The following AP3B1 variants were observed in gnomAD, a reference collection of about 807,000 sequenced individuals.
AP3B1 encodes adaptor related protein complex 3 subunit beta 1, also known as AP-3 complex subunit beta-1.
AP3B1 carries 61 observed loss-of-function variants against 132.5 expected under a neutral mutation model. The ratio of observed to expected loss-of-function variants is 0.46; its 90% CI spans 0.37 to 0.57. AP3B1 has a LOEUF of 0.57. Ranked by LOEUF, AP3B1 falls within the 20% of genes least tolerant of loss-of-function variation. The probability of loss-of-function intolerance (pLI) is 0.00; values close to 1 mark genes in which losing one functional copy is unlikely to be tolerated. For missense variants in AP3B1, 1,120 were observed against 1,289.4 expected (o/e 0.87, Z 2.01); for synonymous variants, 388 against 438.3 (o/e 0.89, Z 1.43).
At chr5:78,097,064 G>C (rs1380932765) in intron 21 of AP3B1, among the ~76,000 whole-genome samples, 4 of 124,242 alleles carry the variant, frequency 3.2e-5, no homozygotes, top group Non-Finnish European at 7.1e-5. Context: ...GGGAGGTTGG[G>C]GGGTCAGCCC....
chr5:78,081,174 G>C (rs560678778), intron 22 of AP3B1, among the ~76,000 whole-genome samples: 5 of 152,104 alleles, frequency 3.3e-5, no homozygotes, highest in African/African-American at 1.2e-4. Flanking sequence ...TTAACCCACT[G>C]ATATTTGGCT....
At chr5:78,114,406 T>A (rs1472455274) in intron 18 of AP3B1, among the ~76,000 whole-genome samples, 1 of 152,106 alleles carries the variant, frequency 6.6e-6, no homozygotes, top group Non-Finnish European at 1.5e-5. Flanking sequence ...TGGAAAGACC[T>A]CCAAATTCAA....
chr5:78,210,204 A>G (rs1439432452), intron 7 of AP3B1, among the ~76,000 whole-genome samples: 3 of 152,142 alleles, frequency 2.0e-5, no homozygotes, highest in African/African-American at 7.2e-5. Context: ...CACATGACAA[A>G]ATTTGTTTTA....
chr5:78,044,023 G>A, intron 22 of AP3B1: 1 of 291,172 alleles, frequency 3.4e-6, no homozygotes. Flanking sequence ...ACCCCTGAAG[G>A]AAAATCTCCT....
At chr5:78,209,604 T>C (rs1442030366) in intron 7 of AP3B1, among the ~76,000 whole-genome samples, 1 of 152,154 alleles carries the variant, frequency 6.6e-6, no homozygotes, top group African/African-American at 2.4e-5. Context: ...AAGCAAGCTA[T>C]AGCAACCATG....
chr5:78,215,719 G>A (rs866449317), intron 7 of AP3B1, among the ~76,000 whole-genome samples: 5 of 152,096 alleles, frequency 3.3e-5, no homozygotes, highest in African/African-American at 1.2e-4. Flanking sequence ...GCTCAAAGAC[G>A]TGAAAGTAAC....
intron 17 of AP3B1, 105 bp downstream of exon 17, chr5:78,127,925 C>T: frequency 2.2e-6 from 3 of 1,343,986 alleles, no homozygotes; most frequent in Non-Finnish European, 3.2e-6. Context: ...AATACTAGAA[C>T]AATTTTCAAT....
At chr5:78,284,256 C>T (rs909572501) in intron 1 of AP3B1, among the ~76,000 whole-genome samples, 1 of 152,110 alleles carries the variant, frequency 6.6e-6, no homozygotes, top group Non-Finnish European at 1.5e-5. Flanking sequence ...AGCTCTAAAC[C>T]TAGGTATATG....
At chr5:78,193,307 G>A (rs1328133067) in intron 7 of AP3B1, among the ~76,000 whole-genome samples, 1 of 152,110 alleles carries the variant, frequency 6.6e-6, no homozygotes, top group Non-Finnish European at 1.5e-5. Context: ...ACTCTGAATG[G>A]TTTTAAAAGT....
intron 2 of AP3B1, among the ~76,000 whole-genome samples, chr5:78,265,703 T>C (rs891589328): frequency 1.3e-5 from 2 of 152,226 alleles, no homozygotes; most frequent in African/African-American, 2.4e-5. Flanking sequence ...GACAGCTTCA[T>C]GCTCTTCAAC....
At chr5:78,200,549 C>T (rs1745248793) in intron 7 of AP3B1, among the ~76,000 whole-genome samples, 1 of 152,040 alleles carries the variant, frequency 6.6e-6, no homozygotes, top group South Asian at 2.1e-4. Context: ...GTCCTAGCTA[C>T]TTGGGAGACT....
At chr5:78,118,534 C>G (rs1751974605) in intron 17 of AP3B1, among the ~76,000 whole-genome samples, 2 of 152,196 alleles carry the variant, frequency 1.3e-5, no homozygotes, top group South Asian at 4.1e-4. Flanking sequence ...ATATCCCACA[C>G]CTGGCTCAGA....
intron 22 of AP3B1, among the ~76,000 whole-genome samples, chr5:78,057,282 T>C (rs1201103361): frequency 2.6e-5 from 4 of 152,210 alleles, no homozygotes; most frequent in East Asian, 1.9e-4. Context: ...CTTCCCACTG[T>C]TCCTCTCATT....
chr5:78,038,318 A>G (rs990119153), intron 23 of AP3B1, among the ~76,000 whole-genome samples: 5 of 152,220 alleles, frequency 3.3e-5, no homozygotes, highest in African/African-American at 1.2e-4. Context: ...TGTATATTCT[A>G]TACATGGAGA....
chr5:78,031,416 A>T (rs1747570579), intron 24 of AP3B1, among the ~76,000 whole-genome samples: 1 of 152,194 alleles, frequency 6.6e-6, no homozygotes, highest in Non-Finnish European at 1.5e-5. Context: ...ATAAAACTAT[A>T]TTTCATCTCA....
intron 21 of AP3B1, among the ~76,000 whole-genome samples, chr5:78,096,335 T>A (rs1750782644): frequency 6.6e-6 from 1 of 152,086 alleles, no homozygotes; most frequent in Non-Finnish European, 1.5e-5. Context: ...CAGGCTGGAG[T>A]GCAGTGGCAT....
At chr5:78,284,381 A>C (rs1320922303) in intron 1 of AP3B1, among the ~76,000 whole-genome samples, 1 of 152,158 alleles carries the variant, frequency 6.6e-6, no homozygotes, top group East Asian at 1.9e-4. Flanking sequence ...GTAGGTAGTA[A>C]TTAATAAGGT....
intron 11 of AP3B1, among the ~76,000 whole-genome samples, chr5:78,172,466 G>A (rs1013662542): frequency 6.6e-6 from 1 of 152,224 alleles, no homozygotes; most frequent in Non-Finnish European, 1.5e-5. Flanking sequence ...AGTCTTGGGA[G>A]TGTGTACGTG....
intron 15 of AP3B1, among the ~76,000 whole-genome samples, chr5:78,137,718 G>A (rs532437904): frequency 6.6e-6 from 1 of 152,166 alleles, no homozygotes; most frequent in African/African-American, 2.4e-5. Flanking sequence ...GGTAGGGTCA[G>A]TCTAGGATAT....
Sources: allele counts gnomAD v4.1 joint callset (sites outside exome capture counted in the v4.1 genomes callset), GRCh38; gene constraint gnomAD v4.1.1; transcripts MANE v1.5; gene names NCBI Gene and HGNC (gene_info 2026-07-23, HGNC 2026-07-21).